The following VAV2 variants were observed in gnomAD, a reference collection of about 807,000 sequenced individuals.
VAV2 encodes the protein vav guanine nucleotide exchange factor 2.
VAV2 carries 67 observed loss-of-function variants against 132.5 expected under a neutral mutation model. The observed-to-expected ratio is 0.51, with a 90% CI of 0.42 to 0.62. VAV2 has a LOEUF of 0.62. Among genes scored for constraint, VAV2 ranks in the 20% least tolerant of loss-of-function variants. The probability of loss-of-function intolerance (pLI) is 0.00; values close to 1 mark genes in which losing one functional copy is unlikely to be tolerated. For missense variants in VAV2, 938 were observed against 1,153.6 expected (o/e 0.81, Z 2.71); for synonymous variants, 492 against 443.5 (o/e 1.11, Z -1.37).
intron 4 of VAV2, among the ~76,000 whole-genome samples, chr9:133,820,956 C>T (rs908054128): frequency 8.5e-5 from 13 of 152,314 alleles, no homozygotes; most frequent in African/African-American, 3.1e-4. Flanking sequence ...GCCAGCCCCA[C>T]ATGGCCCTCC....
intron 26 of VAV2, among the ~76,000 whole-genome samples, chr9:133,771,412 G>A (rs7035398): frequency 0.11 from 16,903 of 152,122 alleles, 2,130 homozygotes; most frequent in African/African-American, 0.32. Flanking sequence ...TGGCCATAGC[G>A]GGGAAGCTAA....
chr9:133,808,328 G>T (rs1469113791), intron 7 of VAV2, among the ~76,000 whole-genome samples: 1 of 152,232 alleles, frequency 6.6e-6, no homozygotes, highest in African/African-American at 2.4e-5. Flanking sequence ...GCCCAAGGGG[G>T]CAGCCCAGGT....
intron 21 of VAV2, 130 bp from the exon 22 acceptor site, chr9:133,779,019 C>A: frequency 8.4e-7 from 1 of 1,190,564 alleles, no homozygotes; most frequent in East Asian, 2.5e-5. Context: ...GCCTGCATCT[C>A]CCTTCCCTAA....
Position 133,795,740 on chromosome 9 carries a change from G to A in VAV2, c.1033-4C>T. ...CCGCAGAATGGCTCAGAAGCTCCTGGAAGGGTGAGAAGAGTGTCATGTGTT... is the reference window on the plus strand; with the variant it reads ...CCGCAGAATGGCTCAGAAGCTCCTGAAAGGGTGAGAAGAGTGTCATGTGTT... On this transcript the variant is annotated splice_region_variant and splice_polypyrimidine_tract_variant and intron_variant, in intron 11 of 29. Coordinates refer to ENST00000371850, the MANE Select transcript of VAV2 (RefSeq NM_001134398.2). 1 of 1,613,500 alleles carries A rather than the reference G, an allele frequency of 6.2e-7. No homozygotes were observed. Among genetic ancestry groups the A allele is most frequent in the Non-Finnish European group, 8.5e-7 (1 of 1,179,474 alleles).
intron 3 of VAV2, among the ~76,000 whole-genome samples, chr9:133,841,292 C>T (rs1008133363): frequency 6.6e-6 from 1 of 151,872 alleles, no homozygotes; most frequent in Non-Finnish European, 1.5e-5. Context: ...ACCACCACCG[C>T]CCCAGGATCT....
At chr9:133,882,608 G>A (rs573618369) in intron 2 of VAV2, among the ~76,000 whole-genome samples, 5 of 151,922 alleles carry the variant, frequency 3.3e-5, no homozygotes, top group Admixed American at 1.3e-4. Flanking sequence ...TGGAAGGAGC[G>A]TGGCCCTGCC....
At chr9:133,786,275 C>T (rs1011925658) in intron 16 of VAV2, among the ~76,000 whole-genome samples, 1 of 152,348 alleles carries the variant, frequency 6.6e-6, no homozygotes, top group African/African-American at 2.4e-5. Flanking sequence ...CACACACACA[C>T]TTGTATCTGT....
intron 2 of VAV2, among the ~76,000 whole-genome samples, chr9:133,899,792 C>T (rs1331611840): frequency 1.9e-4 from 29 of 149,826 alleles, no homozygotes; most frequent in East Asian, 2.0e-4. Context: ...GAGGCCGAGG[C>T]GGGTGGATCA....
At chr9:133,880,486 C>A (rs1422681495) in intron 2 of VAV2, among the ~76,000 whole-genome samples, 1 of 152,186 alleles carries the variant, frequency 6.6e-6, no homozygotes, top group Admixed American at 6.5e-5. Context: ...TTACACGAAG[C>A]ACCAGGGACA....
chr9:133,880,342 C>A (rs1045332596), intron 2 of VAV2, among the ~76,000 whole-genome samples: 6 of 152,284 alleles, frequency 3.9e-5, no homozygotes, highest in Admixed American at 2.0e-4. Context: ...TGGTGAGGGA[C>A]CTGTCAGCCA....
intron 1 of VAV2, among the ~76,000 whole-genome samples, chr9:133,948,403 G>T (rs533793422): frequency 2.0e-5 from 3 of 152,342 alleles, no homozygotes; most frequent in Non-Finnish European, 4.4e-5. Flanking sequence ...TACCTGCTGT[G>T]ATCTGGAGGA....
rs1438518060 is a variant in VAV2, at chr9:133,863,431, C to T, written c.322-1999G>A. ...CCCAGGTCGGGTCGTACAGATGGAACCGGGTCGTACAGATGGAACCGGAGA... is the reference window on the plus strand; with the variant it reads ...CCCAGGTCGGGTCGTACAGATGGAATCGGGTCGTACAGATGGAACCGGAGA... On this transcript the variant is annotated intron_variant, in intron 2 of 29. Transcript: ENST00000371850. The surrounding 1 kb of genome is among the most constrained non-coding windows in gnomAD (Gnocchi z 5.0). 5.0e-5 allele frequency among the ~76,000 whole-genome samples: 7 copies of T among 138,970 alleles called. No homozygotes were observed. In the Admixed American group the frequency reaches 5.3e-4, roughly 10 times the overall value. 91.2% of individuals were successfully genotyped at this position (138,970 alleles called of 152,430 possible).
chr9:133,825,815 C>T (rs545428791), intron 4 of VAV2, among the ~76,000 whole-genome samples: 22 of 152,334 alleles, frequency 1.4e-4, no homozygotes, highest in Non-Finnish European at 2.8e-4. Context: ...TCTCCCCTCC[C>T]AGGTCGCCGC....
intron 24 of VAV2, 24 bp from the exon 25 acceptor site, chr9:133,775,075 A>T (rs1158320835): frequency 6.3e-7 from 1 of 1,577,040 alleles, no homozygotes; most frequent in Admixed American, 1.9e-5. Context: ...CCGGGAGGAA[A>T]CGAGAGCCGC....
At chr9:133,952,932 C>T (rs2256876) in intron 1 of VAV2, among the ~76,000 whole-genome samples, 2 of 137,032 alleles carry the variant, frequency 1.5e-5, no homozygotes, top group African/African-American at 5.7e-5. Flanking sequence ...GGGAGCATGG[C>T]CCCCGGGACA....
At chr9:133,771,122 G>A (rs993375686) in intron 26 of VAV2, among the ~76,000 whole-genome samples, 7 of 150,302 alleles carry the variant, frequency 4.7e-5, no homozygotes, top group African/African-American at 1.7e-4. Flanking sequence ...GGAGTGCAAG[G>A]GCGCAATCTC....
At chr9:133,789,140 C>T in intron 14 of VAV2, 118 bp downstream of exon 14, 2 of 1,100,598 alleles carry the variant, frequency 1.8e-6, no homozygotes, top group Non-Finnish European at 2.6e-6. Context: ...AAGCCACCGC[C>T]AGGCAGCTCT....
In VAV2 at chr9:133,769,646, G is replaced by T; in HGVS notation, c.2348-143C>A. The T allele has an allele frequency of 3.5e-6, 3 of 847,208 alleles. No homozygotes were observed. Among genetic ancestry groups the T allele is most frequent in the Non-Finnish European group, 5.5e-6 (3 of 547,844 alleles). 52.5% of individuals were successfully genotyped at this position (847,208 alleles called of 1,614,324 possible). On this transcript the variant is annotated intron_variant, in intron 27 of 29. Coordinates refer to ENST00000371850, the MANE Select transcript of VAV2 (RefSeq NM_001134398.2). This position sits in a 1 kb window ranked among gnomAD's most constrained non-coding sequence, Gnocchi z 8.1. ...CCTACAGGGGGGCAAAGGAGGCAGG[G>T]GGCAGCACGGGTTGTCAAGCCCCAC...
At chr9:133,798,152 C>A (rs1834795518) in intron 9 of VAV2, among the ~76,000 whole-genome samples, 1 of 152,162 alleles carries the variant, frequency 6.6e-6, no homozygotes, top group East Asian at 1.9e-4. Flanking sequence ...AAAGAGAAGC[C>A]CCTGACATCC....
Sources: gnomAD v4.1 joint callset for allele counts (sites outside exome capture counted in the v4.1 genomes callset) on GRCh38, gnomAD v4.1.1 for gene constraint, Gnocchi (gnomAD v3.1) non-coding constraint, MANE v1.5 for transcripts, NCBI Gene and HGNC (gene_info 2026-07-23, HGNC 2026-07-21) for gene names.